The following ME1 variants were observed in gnomAD, a reference collection of about 807,000 sequenced individuals.
The protein encoded by ME1 is malic enzyme 1, also known as NADP-dependent malic enzyme.
Under a neutral mutation model 66.4 loss-of-function variants are expected in ME1, and 74 were observed. The observed-to-expected ratio is 1.11, with a 90% confidence interval of 0.92 to 1.35. The LOEUF (loss-of-function observed/expected upper bound fraction) is 1.35. Among genes scored for constraint, ME1 ranks in the 40% most tolerant of loss-of-function variants. ME1 has a pLI of 0.00. For synonymous variants in ME1, 251 were observed against 235.6 expected, an observed-to-expected ratio of 1.07 and a Z score of -0.60; for missense variants, 750 against 694.1, an observed-to-expected ratio of 1.08 and a Z score of -0.90.
intron 2 of ME1, among the ~76,000 whole-genome samples, chr6:83,407,097 C>CTCACAACAATCTTTTCAA (rs1769960052): frequency 6.6e-6 from 1 of 152,054 alleles, no homozygotes; most frequent in Non-Finnish European, 1.5e-5. Context: ...TCTTTTAACC[C>CTCACAACAATCTTTTCAA]TCACAACAAT....
At chr6:83,390,383 A>G (rs1355834141) in intron 3 of ME1, among the ~76,000 whole-genome samples, 2 of 152,158 alleles carry the variant, frequency 1.3e-5, no homozygotes, top group African/African-American at 2.4e-5. Flanking sequence ...GTTGTAGTAG[A>G]TAAGGTTTAC....
At chr6:83,429,263 A>AAATAAT (rs149455567) in intron 1 of ME1, among the ~76,000 whole-genome samples, 5 of 151,846 alleles carry the variant, frequency 3.3e-5, no homozygotes, top group South Asian at 2.1e-4. Context: ...ACTCCGTCTC[A>AAATAAT]AATAATAATA....
At chr6:83,328,915 A>G (rs1443505684) in intron 5 of ME1, among the ~76,000 whole-genome samples, 1 of 152,124 alleles carries the variant, frequency 6.6e-6, no homozygotes, top group Non-Finnish European at 1.5e-5. Context: ...AGAGAGCTCA[A>G]AAAAAGGAGA....
intron 6 of ME1, among the ~76,000 whole-genome samples, chr6:83,277,904 T>TAATAATAATAAC (rs1554264922): frequency 4.7e-5 from 7 of 148,248 alleles, no homozygotes; most frequent in East Asian, 2.0e-4. Context: ...TATCTCAAAA[T>TAATAATAATAAC]AATAATAATA....
chr6:83,323,272 T>C (rs945019941), intron 5 of ME1, among the ~76,000 whole-genome samples: 2 of 152,172 alleles, frequency 1.3e-5, no homozygotes, highest in Non-Finnish European at 2.9e-5. Flanking sequence ...CCAGCTAGCA[T>C]AATAATGACA....
intron 6 of ME1, among the ~76,000 whole-genome samples, chr6:83,292,150 G>C (rs1246170060): frequency 6.6e-6 from 1 of 152,154 alleles, no homozygotes; most frequent in South Asian, 2.1e-4. Context: ...TCTCCATCCA[G>C]TTTTGTTCCC....
At chr6:83,349,525 C>T (rs1169256635) in intron 4 of ME1, among the ~76,000 whole-genome samples, 2 of 152,168 alleles carry the variant, frequency 1.3e-5, no homozygotes, top group Non-Finnish European at 2.9e-5. Flanking sequence ...ATGAAATACG[C>T]AGATTTCTCC....
intron 3 of ME1, among the ~76,000 whole-genome samples, chr6:83,387,302 T>C (rs1241317856): frequency 6.6e-6 from 1 of 152,150 alleles, no homozygotes; most frequent in Non-Finnish European, 1.5e-5. Flanking sequence ...ATAGTATAAT[T>C]ATAATCTGTA....
intron 5 of ME1, among the ~76,000 whole-genome samples, chr6:83,323,779 A>T (rs1768229174): frequency 6.6e-6 from 1 of 152,072 alleles, no homozygotes; most frequent in Admixed American, 6.6e-5. Flanking sequence ...GCAGATCAAC[A>T]AGACAGAAAA....
intron 7 of ME1, among the ~76,000 whole-genome samples, chr6:83,248,153 C>A (rs144749274): frequency 9.9e-5 from 15 of 152,128 alleles, no homozygotes; most frequent in African/African-American, 3.1e-4. Flanking sequence ...AATCCTGACC[C>A]TAATTGCTTG....
At chr6:83,298,095 G>T (rs1291901902) in intron 6 of ME1, among the ~76,000 whole-genome samples, 7 of 152,142 alleles carry the variant, frequency 4.6e-5, no homozygotes, top group African/African-American at 1.7e-4. Flanking sequence ...GGATTGTTGG[G>T]TCAAATGGTT....
At chr6:83,374,285 A>G (rs757469612) in intron 3 of ME1, among the ~76,000 whole-genome samples, 1 of 152,110 alleles carries the variant, frequency 6.6e-6, no homozygotes, top group Non-Finnish European at 1.5e-5. Context: ...CTTTTTAATA[A>G]TCACCATTCT....
At chr6:83,406,275 T>G (rs1189484947) in intron 2 of ME1, among the ~76,000 whole-genome samples, 3 of 152,232 alleles carry the variant, frequency 2.0e-5, no homozygotes, top group Non-Finnish European at 2.9e-5. Flanking sequence ...ATCAGGGATA[T>G]TAGCCTGATG....
intron 6 of ME1, among the ~76,000 whole-genome samples, chr6:83,298,407 G>A (rs1240183634): frequency 6.6e-6 from 1 of 151,968 alleles, no homozygotes; most frequent in Non-Finnish European, 1.5e-5. Context: ...TTTTGATGGG[G>A]CTGTGTGTTT....
intron 3 of ME1, among the ~76,000 whole-genome samples, chr6:83,379,969 A>T (rs1769365555): frequency 6.6e-6 from 1 of 152,164 alleles, no homozygotes; most frequent in Non-Finnish European, 1.5e-5. Flanking sequence ...TTCAGATGAG[A>T]CATTTAGTAA....
chr6:83,363,045 G>A (rs530793102), intron 3 of ME1, among the ~76,000 whole-genome samples: 4 of 152,156 alleles, frequency 2.6e-5, no homozygotes, highest in South Asian at 2.1e-4. Flanking sequence ...AGAAGGCCAC[G>A]GATACTCTGA....
chr6:83,385,811 C>T (rs1295879415), intron 3 of ME1, among the ~76,000 whole-genome samples: 1 of 151,798 alleles, frequency 6.6e-6, no homozygotes, highest in Admixed American at 6.6e-5. Context: ...TACCTCACTC[C>T]TATTTAGCAC....
At chr6:83,408,504 A>G (rs1367822884) in intron 1 of ME1, among the ~76,000 whole-genome samples, 1 of 152,162 alleles carries the variant, frequency 6.6e-6, no homozygotes, top group East Asian at 1.9e-4. Flanking sequence ...TTTATGTCTT[A>G]CCTCAAATGC....
intron 5 of ME1, among the ~76,000 whole-genome samples, chr6:83,332,503 C>A (rs1768434099): frequency 6.6e-6 from 1 of 152,214 alleles, no homozygotes; most frequent in Non-Finnish European, 1.5e-5. Context: ...ATGAAATCAA[C>A]CTCAAGTGCC....
Sources: allele counts gnomAD v4.1 joint callset (sites outside exome capture counted in the v4.1 genomes callset), GRCh38; gene constraint gnomAD v4.1.1; transcripts MANE v1.5; gene names NCBI Gene and HGNC (gene_info 2026-07-23, HGNC 2026-07-21).